The following EPHA2 variants were observed in gnomAD, a reference collection of about 807,000 sequenced individuals.
EPHA2 encodes ephrin type-A receptor 2.
In EPHA2, 54 loss-of-function variants were observed where a neutral mutation model predicts 104.9. That is an observed-to-expected ratio of 0.51 (90% CI 0.41 to 0.65). The LOEUF (loss-of-function observed/expected upper bound fraction) is 0.65. Among genes scored for constraint, EPHA2 ranks in the 30% least tolerant of loss-of-function variants. The pLI, the probability that EPHA2 is intolerant of heterozygous loss-of-function variation, is 0.00. For missense variants in EPHA2, 1,117 were observed against 1,369.5 expected (o/e 0.82, Z 2.91); for synonymous variants, 560 against 559.1 (o/e 1.00, Z -0.02).
chr1:16,133,632 AG>A (rs1218963606), intron 9 of EPHA2, 26 bp from the exon 10 acceptor site: 1 of 1,613,364 alleles, frequency 6.2e-7, no homozygotes. Flanking sequence ...GTGGGGTCAC[AG>A]GCAGCTCAGG....
At chr1:16,142,336 C>G (rs1248772667) in intron 3 of EPHA2, among the ~76,000 whole-genome samples, 2 of 152,254 alleles carry the variant, frequency 1.3e-5, no homozygotes, top group Non-Finnish European at 2.9e-5. Context: ...GAATTCAAAA[C>G]TTGGCTTTTA....
intron 3 of EPHA2, among the ~76,000 whole-genome samples, chr1:16,144,930 C>G (rs1395727640): frequency 6.6e-6 from 1 of 152,204 alleles, no homozygotes; most frequent in Non-Finnish European, 1.5e-5. Flanking sequence ...TATGAGATGT[C>G]CAGCATGGTG....
chr1:16,129,551 C>A lies in EPHA2; in HGVS notation c.2708G>T (p.Gly903Val), dbSNP rs2024535422. ...CTCGGACACCGTGCGGAAGGGCACCCCCTCCGAGCCGCTCGTGCTGGGGAG... is the reference window on the plus strand; with the variant it reads ...CTCGGACACCGTGCGGAAGGGCACCACCTCCGAGCCGCTCGTGCTGGGGAG... Reference protein sequence around the residue: ...IRLPSTSGSEGVPFRTVSEWL... With the variant: ...IRLPSTSGSEVVPFRTVSEWL... The change falls in exon 16 of 17, where the codon GGG becomes GTG. Residue 903 changes from glycine to valine, a missense_variant. By Grantham distance (109) the Gly-to-Val change is moderately radical. Transcript: ENST00000358432. 8 of 1,612,828 alleles carry A rather than the reference C, an allele frequency of 5.0e-6. No homozygotes were observed. The Admixed American group carries it at 1.0e-4, about 20-fold the overall frequency.
intron 3 of EPHA2, among the ~76,000 whole-genome samples, chr1:16,147,704 G>A (rs780513653): frequency 2.5e-4 from 37 of 150,692 alleles, no homozygotes; most frequent in Non-Finnish European, 3.5e-4. Context: ...CGAGATAGAC[G>A]CTATGATCCT....
In EPHA2 at chr1:16,125,373, G is replaced by GC; in HGVS notation, c.2826-54dup. The stretch of plus-strand genomic sequence containing the variant: ...GTTAGGGGCTGGAGCAGGGGAGGGG[G>GC]CCGGGCTGGGTGGGGACAGGACTCG... On this transcript the variant is annotated intron_variant, in intron 16 of 16. Coordinates refer to ENST00000358432, the MANE Select transcript of EPHA2 (RefSeq NM_004431.5). The surrounding 1 kb of genome is among the most constrained non-coding windows in gnomAD (Gnocchi z 4.9). 1.0e-6 allele frequency: 1 copy of GC among 983,512 alleles called. No individual in the cohort carries two copies. The highest frequency in any genetic ancestry group is 2.4e-5 in the Admixed American group (1 of 42,402). 60.9% of individuals were successfully genotyped at this position (983,512 alleles called of 1,614,324 possible).
rs781077374 is a variant in EPHA2 at position 16,134,465 on chromosome 1, A to C, written c.1682+3T>G. The stretch of plus-strand genomic sequence containing the variant: ...TGGAGCCAGGGTATGGGCTCTGACG[A>C]ACCTGCGGTGGATAAAGAAGCCAAC... On this transcript the variant is annotated splice_donor_region_variant and intron_variant, in intron 8 of 16. Transcript: ENST00000358432. This position sits in a 1 kb window ranked among gnomAD's most constrained non-coding sequence, Gnocchi z 4.5. 4.3e-5 allele frequency: 70 copies of C among 1,614,010 alleles called. No homozygotes were observed. The highest frequency in any genetic ancestry group is 5.9e-5 in the Non-Finnish European group (70 of 1,179,996).
At chr1:16,147,227 TTTTC>T (rs2024949764) in intron 3 of EPHA2, among the ~76,000 whole-genome samples, 6 of 152,282 alleles carry the variant, frequency 3.9e-5, no homozygotes, top group African/African-American at 1.2e-4. Flanking sequence ...GAATTGGCCC[TTTTC>T]TGGGCCCAGT....
chr1:16,133,896 G>C lies in EPHA2; in HGVS notation c.1702C>G (p.Arg568Gly). ...IHRRRKNQRA[R>G]QSPEDVYFSK... is the part of the protein sequence containing the mutation. ...AAGTAAACGTCCTCCGGGGACTGGC[G>C]GGCACGCTGGTTCTTCCTCCTGAAA... Residue 568 changes from arginine (R) to glycine (G), a missense_variant, in exon 9 of 17, where the codon CGC becomes GGC. Coordinates refer to ENST00000358432, the MANE Select transcript of EPHA2 (RefSeq NM_004431.5). 1 of 1,550,764 alleles carries C rather than the reference G, an allele frequency of 6.4e-7. No individual in the cohort carries two copies. Among genetic ancestry groups the C allele is most frequent in the African/African-American group, 1.4e-5 (1 of 73,152 alleles).
At chr1:16,141,754 G>GC (rs2024828415) in intron 3 of EPHA2, among the ~76,000 whole-genome samples, 1 of 152,260 alleles carries the variant, frequency 6.6e-6, no homozygotes, top group Non-Finnish European at 1.5e-5. Context: ...TGGCCCCAGC[G>GC]CCCGGGGGTG....
intron 1 of EPHA2, among the ~76,000 whole-genome samples, chr1:16,154,611 C>G (rs1245904406): frequency 6.6e-6 from 1 of 151,870 alleles, no homozygotes. Flanking sequence ...AAAAATTAGA[C>G]GCGCCTGGTG....
At chr1:16,142,592 T>C (rs1037545576) in intron 3 of EPHA2, among the ~76,000 whole-genome samples, 5 of 141,994 alleles carry the variant, frequency 3.5e-5, no homozygotes, top group Non-Finnish European at 7.6e-5. Context: ...GAGGGGGGTA[T>C]GAGTGGGTGG....
rs1357171501 is a variant in EPHA2, at chr1:16,148,511, A to G, written c.690T>C (p.Cys230=). 1.2e-5 allele frequency: 20 copies of G among 1,613,810 alleles called. No individual in the cohort carries two copies. Among genetic ancestry groups the G allele is most frequent in the Non-Finnish European group, 1.5e-5 (18 of 1,180,026 alleles). Residue 230 remains cysteine (C), a synonymous_variant, in exon 3 of 17, where the codon TGT becomes TGC. Coordinates refer to ENST00000358432, the MANE Select transcript of EPHA2 (RefSeq NM_004431.5). The surrounding 1 kb of genome is among the most constrained non-coding windows in gnomAD (Gnocchi z 4.9). The part of the protein sequence containing the change: ...APSLATVAGT[C]VDHAVVPPGG... ...CCGGTGGCACCACGGCATGGTCCACACAGGTGCCGGCCACAGTGGCCAGGG... is the reference window on the plus strand; with the variant it reads ...CCGGTGGCACCACGGCATGGTCCACGCAGGTGCCGGCCACAGTGGCCAGGG...
intron 1 of EPHA2, chr1:16,153,017 A>G: frequency 1.6e-6 from 1 of 612,876 alleles, no homozygotes; most frequent in African/African-American, 2.0e-5. Flanking sequence ...TTCTCTGGAA[A>G]GGGTGGGAGC....
chr1:16,143,961 C>A (rs2024878104), intron 3 of EPHA2, among the ~76,000 whole-genome samples: 1 of 152,186 alleles, frequency 6.6e-6, no homozygotes, highest in Admixed American at 6.5e-5. Context: ...TGCCAGCACC[C>A]TGTCCCTTTC....
At chr1:16,153,303 C>T in intron 1 of EPHA2, 11 of 985,442 alleles carry the variant, frequency 1.1e-5, no homozygotes, top group Non-Finnish European at 1.3e-5. Flanking sequence ...CCCCGCTTCC[C>T]CCATTCCTCT....
rs768864167 is a variant in EPHA2 at position 16,135,133 on chromosome 1, G to A, written c.1485C>T (p.Asp495=). ...GGTAGGTGGTGTCTGGGGCCAGGTC[G>A]TCCAGGGTCACGGAGAAACCCTCGG... ...RRTEGFSVTL[D]DLAPDTTYLV... The change falls in exon 7 of 17, where the codon GAC becomes GAT. Residue 495 remains aspartate (D), a synonymous_variant. Transcript: ENST00000358432. This position sits in a 1 kb window ranked among gnomAD's most constrained non-coding sequence, Gnocchi z 4.3. 1.4e-5 allele frequency: 22 copies of A among 1,613,936 alleles called. No individual in the cohort carries two copies. Among genetic ancestry groups the A allele is most frequent in the East Asian group, 6.7e-5 (3 of 44,902 alleles).
In EPHA2 at chr1:16,150,971, G is replaced by A; in HGVS notation, c.86-8C>T. 6.2e-7 allele frequency: 1 copy of A among 1,614,072 alleles called. No homozygotes were observed. Among genetic ancestry groups the A allele is most frequent in the Non-Finnish European group, 8.5e-7 (1 of 1,180,006 alleles). Reference sequence around the variant, plus strand: ...CAAAGTCCAGCAGTACCACTGAAAGGGAGAAGGGAGAGGGGGTGAGCCTGG... The same window carrying A: ...CAAAGTCCAGCAGTACCACTGAAAGAGAGAAGGGAGAGGGGGTGAGCCTGG... On this transcript the variant is annotated splice_region_variant and splice_polypyrimidine_tract_variant and intron_variant, in intron 1 of 16. Coordinates refer to ENST00000358432, the MANE Select transcript of EPHA2 (RefSeq NM_004431.5). This position sits in a 1 kb window ranked among gnomAD's most constrained non-coding sequence, Gnocchi z 4.8.
At position 16,133,569 on chromosome 1, in the gene EPHA2, G is replaced by T; in HGVS notation, c.1776C>A (p.His592Gln). ...CAGCCTGGTTGGGGTCCTCATATGT[G>T]TGGGGGTCCACGTATGTCTTCAGGG... is the stretch of plus-strand genomic sequence containing the variant. ...LKPLKTYVDPHTYEDPNQAVL... is the reference protein window; with the variant it reads ...LKPLKTYVDPQTYEDPNQAVL... Residue 592 changes from histidine to glutamine, a missense_variant, in exon 10 of 17, where the codon CAC becomes CAA. By Grantham distance (24) the His-to-Gln change is conservative (BLOSUM62 0). This residue lies in a region of EPHA2 where 113 missense variants were observed against 104.3 expected (regional missense o/e 1.08). Transcript: ENST00000358432. 1 of 1,614,116 alleles carries T rather than the reference G, an allele frequency of 6.2e-7. No homozygotes were observed. Among genetic ancestry groups the T allele is most frequent in the Non-Finnish European group, 8.5e-7 (1 of 1,179,982 alleles).
In EPHA2 at chr1:16,129,424, C is replaced by T. The variant is rs745769162; in HGVS notation, c.2825+10G>A. 1.3e-5 allele frequency: 21 copies of T among 1,612,186 alleles called. No homozygotes were observed. Among genetic ancestry groups the T allele is most frequent in the Non-Finnish European group, 1.7e-5 (20 of 1,179,944 alleles). On this transcript the variant is annotated intron_variant, in intron 16 of 16. Coordinates refer to ENST00000358432, the MANE Select transcript of EPHA2 (RefSeq NM_004431.5). ...GGAGGCGAGGGGGGACGGAAAGGGGCCTGACTTACTCGTTGGTCATCTGCA... is the reference window on the plus strand; with the variant it reads ...GGAGGCGAGGGGGGACGGAAAGGGGTCTGACTTACTCGTTGGTCATCTGCA...
Sources: allele counts gnomAD v4.1 joint callset (sites outside exome capture counted in the v4.1 genomes callset), GRCh38; gene constraint gnomAD v4.1.1; regional missense constraint gnomAD v4.1.1; non-coding constraint Gnocchi (gnomAD v3.1); transcripts MANE v1.5; gene names NCBI Gene and HGNC (gene_info 2026-07-23, HGNC 2026-07-21).